The following GALNT13 variants were observed in gnomAD, a reference collection of about 807,000 sequenced individuals.
GALNT13 encodes polypeptide N-acetylgalactosaminyltransferase 13.
GALNT13 carries 28 observed loss-of-function variants against 64.2 expected under a neutral mutation model. The ratio of observed to expected loss-of-function variants is 0.44; its 90% CI spans 0.32 to 0.60. GALNT13 has a LOEUF of 0.60. Among genes scored for constraint, GALNT13 ranks in the 20% least tolerant of loss-of-function variants. The probability of loss-of-function intolerance (pLI) is 0.05; values close to 1 mark genes in which losing one functional copy is unlikely to be tolerated. For synonymous variants in GALNT13, 214 were observed against 224.6 expected (o/e 0.95, Z 0.42); for missense variants, 577 against 669.8 (o/e 0.86, Z 1.53).
the GALNT13 span, among the ~76,000 whole-genome samples, chr2:153,778,780 G>A: frequency 6.6e-6 from 1 of 152,230 alleles, no homozygotes; most frequent in African/African-American, 2.4e-5. Flanking sequence ...GTGCAGTTTT[G>A]TTACATGGGT....
chr2:153,487,720 G>T, the GALNT13 span, among the ~76,000 whole-genome samples: 3 of 152,216 alleles, frequency 2.0e-5, no homozygotes, highest in African/African-American at 4.8e-5. Context: ...GGCGAAGCAT[G>T]CCAAATGCAC....
chr2:154,363,339 A>G lies in GALNT13; in HGVS notation c.1157-32652A>G, dbSNP rs376716337. On this transcript the variant is annotated intron_variant, in intron 9 of 12. Coordinates refer to ENST00000392825, the MANE Select transcript of GALNT13 (RefSeq NM_052917.4). ...CAGAACAGTATTCTGAATTATGTCT[A>G]TAGCATTTGTTTTAACTTTTTTTTG... is the stretch of plus-strand genomic sequence containing the variant. 2.6e-4 allele frequency among the ~76,000 whole-genome samples: 40 copies of G among 152,294 alleles called. No homozygotes were observed. The South Asian group carries it at 6.4e-3, about 24-fold the overall frequency.
chr2:154,093,177 G>T (rs1701902525), intron 3 of GALNT13, among the ~76,000 whole-genome samples: 1 of 151,916 alleles, frequency 6.6e-6, no homozygotes, highest in African/African-American at 2.4e-5. Context: ...GAAATAGGTA[G>T]TAAATGGTGA....
chr2:154,398,236 G>A (rs890246025), intron 10 of GALNT13, among the ~76,000 whole-genome samples: 2 of 152,066 alleles, frequency 1.3e-5, no homozygotes, highest in Non-Finnish European at 2.9e-5. Context: ...AGTAAACATC[G>A]ATTCCCTTTT....
At chr2:154,207,311 G>A (rs1052897690) in intron 4 of GALNT13, among the ~76,000 whole-genome samples, 9 of 152,004 alleles carry the variant, frequency 5.9e-5, no homozygotes, top group African/African-American at 1.9e-4. Flanking sequence ...TTCTCCACTT[G>A]CCTTTGCTGT....
rs571736011 is a variant in GALNT13, at chr2:154,245,851, T to C, written c.726T>C (p.Asp242=). The C allele has an allele frequency of 2.2e-5, 36 of 1,612,870 alleles. 1 individual carries two copies. The South Asian group carries it at 3.8e-4, about 17-fold the overall frequency. ...GCCCTATCATTGATGTGATTAGTGA[T>C]GATACTTTTGAATATATGGCTGGGT... ...VVCPIIDVIS[D]DTFEYMAGSD... Residue 242 remains aspartate, a synonymous_variant, in exon 7 of 13, where the codon GAT becomes GAC. Coordinates refer to ENST00000392825, the MANE Select transcript of GALNT13 (RefSeq NM_052917.4).
chr2:154,104,576 A>G (rs1702513325), intron 3 of GALNT13, among the ~76,000 whole-genome samples: 1 of 152,158 alleles, frequency 6.6e-6, no homozygotes, highest in Admixed American at 6.5e-5. Context: ...CTCTGGGACA[A>G]AACAATGCTC....
At chr2:154,288,517 G>T (rs375604091) in intron 8 of GALNT13, among the ~76,000 whole-genome samples, 6 of 152,208 alleles carry the variant, frequency 3.9e-5, no homozygotes, top group African/African-American at 1.4e-4. Context: ...TGTCCTTTCT[G>T]CCTATAAGCC....
At chr2:153,468,383 C>G in the GALNT13 span, among the ~76,000 whole-genome samples, 1 of 152,028 alleles carries the variant, frequency 6.6e-6, no homozygotes, top group Non-Finnish European at 1.5e-5. Flanking sequence ...AATTAAAGTA[C>G]ATTGACCAAA....
intron 4 of GALNT13, among the ~76,000 whole-genome samples, chr2:154,152,770 T>C (rs1339212784): frequency 6.6e-6 from 1 of 152,246 alleles, no homozygotes. Context: ...GAGCCTTGGC[T>C]TTCAGCTCCA....
the GALNT13 span, among the ~76,000 whole-genome samples, chr2:153,192,106 T>C: frequency 6.6e-6 from 1 of 151,984 alleles, no homozygotes; most frequent in Non-Finnish European, 1.5e-5. Context: ...TGCTCTTCTT[T>C]TTTAATTCCT....
intron 2 of GALNT13, among the ~76,000 whole-genome samples, chr2:153,929,090 GC>G (rs778607652): frequency 2.4e-4 from 37 of 152,094 alleles, no homozygotes; most frequent in Admixed American, 5.9e-4. Context: ...CTAATCCACT[GC>G]TTTTGTATAT....
chr2:153,335,667 A>C, the GALNT13 span, among the ~76,000 whole-genome samples: 1 of 152,338 alleles, frequency 6.6e-6, no homozygotes, highest in Admixed American at 6.5e-5. Context: ...AAAACTTTGG[A>C]AAAATTGCAG....
At chr2:153,799,726 T>C in the GALNT13 span, among the ~76,000 whole-genome samples, 1 of 152,146 alleles carries the variant, frequency 6.6e-6, no homozygotes, top group East Asian at 1.9e-4. Flanking sequence ...GCCTATTAAA[T>C]GTGAGAAAAC....
chr2:153,584,586 A>G, the GALNT13 span, among the ~76,000 whole-genome samples: 1 of 152,172 alleles, frequency 6.6e-6, no homozygotes, highest in South Asian at 2.1e-4. Flanking sequence ...CCAAAAGCCA[A>G]CTCACTCACT....
At chr2:153,469,773 A>G in the GALNT13 span, among the ~76,000 whole-genome samples, 4 of 152,246 alleles carry the variant, frequency 2.6e-5, no homozygotes, top group Admixed American at 2.0e-4. Context: ...TCTCATGGAG[A>G]GTCACAGAGC....
chr2:154,360,203 T>A (rs1696986168), intron 9 of GALNT13, among the ~76,000 whole-genome samples: 1 of 152,212 alleles, frequency 6.6e-6, no homozygotes, highest in Non-Finnish European at 1.5e-5. Context: ...ATCACTGTAC[T>A]GCTCACAGTG....
chr2:154,400,571 T>G (rs1699257743), intron 10 of GALNT13, among the ~76,000 whole-genome samples: 1 of 152,220 alleles, frequency 6.6e-6, no homozygotes, highest in Non-Finnish European at 1.5e-5. Flanking sequence ...TGATATCAGA[T>G]ATCTGTATCT....
the GALNT13 span, among the ~76,000 whole-genome samples, chr2:153,132,138 T>A: frequency 2.6e-5 from 4 of 152,174 alleles, no homozygotes; most frequent in Non-Finnish European, 5.9e-5. Flanking sequence ...CCTTTAAATA[T>A]CTGGCAAACC....
Sources: gnomAD v4.1 joint callset for allele counts (sites outside exome capture counted in the v4.1 genomes callset) on GRCh38, gnomAD v4.1.1 for gene constraint, MANE v1.5 for transcripts, NCBI Gene and HGNC (gene_info 2026-07-23, HGNC 2026-07-21) for gene names.